The following PKM variants were observed in gnomAD, a reference collection of about 807,000 sequenced individuals.
PKM encodes pyruvate kinase M1/2, also known as pyruvate kinase PKM.
A neutral mutation model predicts 49.8 loss-of-function variants in PKM; 18 were observed. That is an observed-to-expected ratio of 0.36 (90% CI 0.25 to 0.54). The LOEUF is 0.54. PKM is among the 20% of genes least tolerant of loss of function. The pLI is 0.89. For missense variants in PKM, 508 were observed against 713.8 expected (o/e 0.71, Z 3.28); for synonymous variants, 239 against 261.8 (o/e 0.91, Z 0.84).
At chr15:72,218,847 G>A in intron 2 of PKM, 97 bp downstream of exon 2, 2 of 1,237,266 alleles carry the variant, frequency 1.6e-6, no homozygotes, top group Non-Finnish European at 1.2e-6. Flanking sequence ...ATCCCATGTA[G>A]CACCTAGGTT....
rs2607085 is a variant in PKM at position 72,200,721 on chromosome 15, C to A, written c.1308-66G>T. ...GAGGCCCCAGGAAGTACCCTCAGGG[C>A]GTTCAAACAGCTCACCCTCTCATCC... On this transcript the variant is annotated intron_variant, in intron 9 of 10. Transcript: ENST00000335181. This position sits in a 1 kb window ranked among gnomAD's most constrained non-coding sequence, Gnocchi z 4.6. The A allele has an allele frequency of 8.7e-6, 12 of 1,383,388 alleles. No individual in the cohort carries two copies. The highest frequency in any genetic ancestry group is 1.2e-5 in the Non-Finnish European group (12 of 989,914). 85.7% of individuals were successfully genotyped at this position (1,383,388 alleles called of 1,614,324 possible). A position where few individuals can be genotyped will look rare whatever the true frequency, so the allele number is the denominator to read the frequency against.
At position 72,208,821 on chromosome 15, in the gene PKM, A is replaced by C. The variant is rs1596743556; in HGVS notation, c.636T>G (p.Pro212=). The C allele has an allele frequency of 6.2e-7, 1 of 1,614,160 alleles. No homozygotes were observed. Among genetic ancestry groups the C allele is most frequent in the Non-Finnish European group, 8.5e-7 (1 of 1,180,030 alleles). ...SLGSKKGVNL[P]GAAVDLPAVS... ...CAGCAGGCAAGTCCACAGCAGCCCCAGGAAGGTTCACACCCTTCTTGCTGC... is the reference window on the plus strand; with the variant it reads ...CAGCAGGCAAGTCCACAGCAGCCCCCGGAAGGTTCACACCCTTCTTGCTGC... Residue 212 remains proline, a synonymous_variant, in exon 6 of 11, where the codon CCT becomes CCG. Coordinates refer to ENST00000335181, the MANE Select transcript of PKM (RefSeq NM_002654.6).
intron 8 of PKM, chr15:72,203,335 G>A: frequency 1.4e-6 from 1 of 708,820 alleles, no homozygotes; most frequent in Non-Finnish European, 2.5e-6. Context: ...TCAGGCAGAT[G>A]CAGAGGTAGG....
chr15:72,224,141 AT>A (rs1317128363), intron 1 of PKM, among the ~76,000 whole-genome samples: 3 of 152,202 alleles, frequency 2.0e-5, no homozygotes, highest in African/African-American at 7.2e-5. Context: ...TCCTGGTTCC[AT>A]CCCAGCTGCT....
intron 4 of PKM, 88 bp downstream of exon 4, chr15:72,210,259 G>T: frequency 7.0e-7 from 1 of 1,430,042 alleles, no homozygotes; most frequent in Admixed American, 1.7e-5. Flanking sequence ...GTACTGGGAA[G>T]AAACATGGCA....
In PKM at chr15:72,200,333, AG is replaced by A; in HGVS notation, c.1489+140del. 1 of 746,050 alleles carries A rather than the reference AG, an allele frequency of 1.3e-6. No individual in the cohort carries two copies. 46.2% of individuals were successfully genotyped at this position (746,050 alleles called of 1,614,324 possible). On this transcript the variant is annotated intron_variant, in intron 10 of 10. Coordinates refer to ENST00000335181, the MANE Select transcript of PKM (RefSeq NM_002654.6). This position sits in a 1 kb window ranked among gnomAD's most constrained non-coding sequence, Gnocchi z 4.6. ...AGAATGAACATTCCCAATAAGGGAG[AG>A]GAACAGTCGCTGGGCCTTTTGCCCC... is the stretch of plus-strand genomic sequence containing the variant.
chr15:72,228,532 G>C (rs746798468), intron 1 of PKM: 9 of 678,148 alleles, frequency 1.3e-5, no homozygotes, highest in Admixed American at 2.4e-5. Flanking sequence ...GGGGAGAAGG[G>C]ACTTTTTAAG....
At chr15:72,213,186 C>G (rs2082298093) in intron 3 of PKM, among the ~76,000 whole-genome samples, 1 of 152,134 alleles carries the variant, frequency 6.6e-6, no homozygotes. Flanking sequence ...CTTTCAATCA[C>G]TACTGGATTT....
chr15:72,223,502 C>T (rs920945802), intron 1 of PKM, among the ~76,000 whole-genome samples: 2 of 152,134 alleles, frequency 1.3e-5, no homozygotes, highest in Non-Finnish European at 2.9e-5. Context: ...GAAGGCGTTT[C>T]GATCCACAAC....
Position 72,210,621 on chromosome 15 carries a change from G to A in PKM, c.247-143C>T. 6 of 913,006 alleles carry A rather than the reference G, an allele frequency of 6.6e-6. No individual in the cohort carries two copies. The East Asian group carries it at 1.3e-4, about 20-fold the overall frequency. 56.6% of individuals were successfully genotyped at this position (913,006 alleles called of 1,614,324 possible). A position where few individuals can be genotyped will look rare whatever the true frequency, so the allele number is the denominator to read the frequency against. On this transcript the variant is annotated intron_variant, in intron 3 of 10. Coordinates refer to ENST00000335181, the MANE Select transcript of PKM (RefSeq NM_002654.6). Reference sequence around the variant, plus strand: ...TATCTCCATCCTCAGCACGATCCATGCACTGAGAAATCCTCTACCTGCTTA... The same window carrying A: ...TATCTCCATCCTCAGCACGATCCATACACTGAGAAATCCTCTACCTGCTTA...
intron 3 of PKM, among the ~76,000 whole-genome samples, chr15:72,216,557 A>G (rs1306299881): frequency 6.6e-6 from 1 of 152,230 alleles, no homozygotes; most frequent in African/African-American, 2.4e-5. Context: ...TGGGAGGTCA[A>G]GGATCCAGTT....
At chr15:72,230,918 C>T (rs1258100330) in intron 1 of PKM, 198 bp downstream of exon 1, 3 of 1,287,200 alleles carry the variant, frequency 2.3e-6, no homozygotes, top group Non-Finnish European at 3.0e-6. Context: ...GAAGGAACGG[C>T]GCTGGGGACT....
chr15:72,231,081 T>C, intron 1 of PKM, 35 bp downstream of exon 1: 2 of 543,616 alleles, frequency 3.7e-6, no homozygotes, highest in South Asian at 1.6e-5. Context: ...TGGCCCTTGG[T>C]GGGGACTGAT....
chr15:72,207,677 C>T (rs925939670), intron 6 of PKM, among the ~76,000 whole-genome samples: 13 of 152,236 alleles, frequency 8.5e-5, no homozygotes, highest in African/African-American at 3.1e-4. Context: ...GACCCATGGC[C>T]TCATCTAGTC....
Position 72,199,650 on chromosome 15 carries a change from T to C in PKM, c.1596A>G (p.Ter532TrpextTer26), listed in dbSNP as rs762479775. ...GCTGGAGGAGGGGCTCTGGGGTCCA[T>C]CACGGCACAGGAACAACACGCATGG... ...TNTMRVVPVP[*>W] Residue 532 changes from the stop codon to tryptophan (W), a stop_lost, in exon 11 of 11, where the codon TGA becomes TGG. Transcript: ENST00000335181. 1 of 1,611,042 alleles carries C rather than the reference T, an allele frequency of 6.2e-7. No individual in the cohort carries two copies. The highest frequency in any genetic ancestry group is 8.5e-7 in the Non-Finnish European group (1 of 1,177,542).
Position 72,202,106 on chromosome 15 carries a change from A to G in PKM, c.1307+348T>C. 1 of 339,268 alleles carries G rather than the reference A, an allele frequency of 2.9e-6. No homozygotes were observed. The highest frequency in any genetic ancestry group is 5.6e-6 in the Non-Finnish European group (1 of 177,944). The allele number at this position is 339,268 out of a possible 1,614,324, so 21.0% of individuals were successfully genotyped here. ...CAACTGAAATTTTTAAAGAGCACAT[A>G]GTAACTGGAATAAGCAAAAGTGGTT... On this transcript the variant is annotated intron_variant, in intron 9 of 10. Coordinates refer to ENST00000335181, the MANE Select transcript of PKM (RefSeq NM_002654.6). The surrounding 1 kb of genome is among the most constrained non-coding windows in gnomAD (Gnocchi z 4.5).
chr15:72,229,617 C>A (rs1004338977), intron 1 of PKM: 11 of 1,276,138 alleles, frequency 8.6e-6, no homozygotes, highest in Non-Finnish European at 1.1e-5. Flanking sequence ...GTGTGCTTGC[C>A]ACCTGGTGAG....
rs202231761 is a variant in PKM at position 72,202,444 on chromosome 15, C to T, written c.1307+10G>A. On this transcript the variant is annotated intron_variant, in intron 9 of 10. Transcript: ENST00000335181. The surrounding 1 kb of genome is among the most constrained non-coding windows in gnomAD (Gnocchi z 4.5). ...GCAGGGCATTCCAGGGAGCCGCTGCCGCCTCCTACCTGCCAGACTTGGTGA... is the reference window on the plus strand; with the variant it reads ...GCAGGGCATTCCAGGGAGCCGCTGCTGCCTCCTACCTGCCAGACTTGGTGA... 17 of 1,610,588 alleles carry T rather than the reference C, an allele frequency of 1.1e-5. No individual in the cohort carries two copies. Among genetic ancestry groups the T allele is most frequent in the African/African-American group, 5.3e-5 (4 of 74,988 alleles).
chr15:72,200,332 G>C lies in PKM; in HGVS notation c.1489+142C>G, dbSNP rs1041716179. 5 of 745,760 alleles carry C rather than the reference G, an allele frequency of 6.7e-6. No individual in the cohort carries two copies. In the African/African-American group the frequency reaches 8.6e-5, roughly 13 times the overall value. The allele number at this position is 745,760 out of a possible 1,614,324, so 46.2% of individuals were successfully genotyped here. A position where few individuals can be genotyped will look rare whatever the true frequency, so the allele number is the denominator to read the frequency against. On this transcript the variant is annotated intron_variant, in intron 10 of 10. Transcript: ENST00000335181. This position sits in a 1 kb window ranked among gnomAD's most constrained non-coding sequence, Gnocchi z 4.6. Reference sequence around the variant, plus strand: ...CAGAATGAACATTCCCAATAAGGGAGAGGAACAGTCGCTGGGCCTTTTGCC... The same window carrying C: ...CAGAATGAACATTCCCAATAAGGGACAGGAACAGTCGCTGGGCCTTTTGCC...
Sources: allele counts gnomAD v4.1 joint callset (sites outside exome capture counted in the v4.1 genomes callset), GRCh38; gene constraint gnomAD v4.1.1; non-coding constraint Gnocchi (gnomAD v3.1); transcripts MANE v1.5; gene names NCBI Gene and HGNC (gene_info 2026-07-23, HGNC 2026-07-21).